The following NHSL2 variants were observed in gnomAD, a reference collection of about 807,000 sequenced individuals.
NHSL2 encodes the protein NHS like 2, also known as NHS-like protein 2.
Under a neutral mutation model 53.4 loss-of-function variants are expected in NHSL2, and 27 were observed. That is an observed-to-expected ratio of 0.51 (90% CI 0.37 to 0.70). The LOEUF is 0.70. Among genes scored for constraint, NHSL2 ranks in the 30% least tolerant of loss-of-function variants. The probability of loss-of-function intolerance (pLI) is 0.00; values close to 1 mark genes in which losing one functional copy is unlikely to be tolerated. For missense variants in NHSL2, 892 were observed against 980.1 expected (o/e 0.91, Z 1.20); for synonymous variants, 408 against 404.1 (o/e 1.01, Z -0.12).
At chrX:71,938,274 G>C (rs898451930) in intron 1 of NHSL2, among the ~76,000 whole-genome samples, 4 of 112,060 alleles carry the variant, frequency 3.6e-5, no homozygotes, top group African/African-American at 1.3e-4. Context: ...AGGTGATACC[G>C]TTAAGGCAGC....
rs182508055 is a variant in NHSL2 at position 72,048,114 on chromosome X, A to T, written c.281-83965A>T. ...ATAATAATAATAATAATAATAATAA[A>T]GCAACATTTTGAGTGCCTACTATAT... is the stretch of plus-strand genomic sequence containing the variant. On this transcript the variant is annotated intron_variant, in intron 1 of 7. Transcript: ENST00000633930. Among the ~76,000 whole-genome samples the T allele has an allele frequency of 2.3e-3, 251 of 108,341 alleles. 1 individual carries two copies. The highest frequency in any genetic ancestry group is 8.3e-3 in the African/African-American group (244 of 29,447). 94.1% of individuals were successfully genotyped at this position (108,341 alleles called of 115,157 possible). A position where few individuals can be genotyped will look rare whatever the true frequency, so the allele number is the denominator to read the frequency against.
chrX:71,981,692 A>G (rs752411313), intron 1 of NHSL2, among the ~76,000 whole-genome samples: 20 of 112,326 alleles, frequency 1.8e-4, no homozygotes, highest in African/African-American at 6.5e-4. Flanking sequence ...TCCAAAGAAG[A>G]TATACAAATG....
In NHSL2 at chrX:72,060,746, G is replaced by A. The variant is rs759104531; in HGVS notation, c.281-71333G>A. On this transcript the variant is annotated intron_variant, in intron 1 of 7. Coordinates refer to ENST00000633930, the MANE Select transcript of NHSL2 (RefSeq NM_001013627.3). ...CCCCCACAGGCTTGTGTGAGCCCAAGGCAGGCCTCAAGCTGATTCAAGGGC... is the reference window on the plus strand; with the variant it reads ...CCCCCACAGGCTTGTGTGAGCCCAAAGCAGGCCTCAAGCTGATTCAAGGGC... 4.4e-5 allele frequency among the ~76,000 whole-genome samples: 5 copies of A among 112,750 alleles called. No homozygotes were observed. The South Asian group carries it at 1.8e-3, about 41-fold the overall frequency.
chrX:72,117,730 T>G lies in NHSL2; in HGVS notation c.281-14349T>G, dbSNP rs1444554667. Among the ~76,000 whole-genome samples the G allele has an allele frequency of 2.7e-5, 3 of 111,857 alleles. No individual in the cohort carries two copies. In the East Asian group the frequency reaches 8.3e-4, roughly 31 times the overall value. ...GACTGGCTTCTTTCACATAACATGA[T>G]GTTTCAAGGTCCATCCATGTTATAG... On this transcript the variant is annotated intron_variant, in intron 1 of 7. Coordinates refer to ENST00000633930, the MANE Select transcript of NHSL2 (RefSeq NM_001013627.3).
At chrX:71,968,173 T>A (rs1350525172) in intron 1 of NHSL2, among the ~76,000 whole-genome samples, 1 of 109,107 alleles carries the variant, frequency 9.2e-6, no homozygotes, top group Non-Finnish European at 1.9e-5. Context: ...ATTTATTTAA[T>A]TTTTTGTAGA....
intron 1 of NHSL2, among the ~76,000 whole-genome samples, chrX:72,022,732 G>C (rs897218107): frequency 3.6e-5 from 4 of 111,747 alleles, no homozygotes; most frequent in Non-Finnish European, 7.5e-5. Flanking sequence ...AGTGTGTCTA[G>C]GTCCTAGAGA....
In NHSL2 at chrX:72,150,821, T is replaced by C. The variant is rs1274485924; in HGVS notation, c.*7247T>C. On this transcript the variant is annotated 3_prime_UTR_variant, in exon 8 of 8. Coordinates refer to ENST00000633930, the MANE Select transcript of NHSL2 (RefSeq NM_001013627.3). ...CCTGGACTTCCTCTCGTTTCTCTTT[T>C]CGAGGATGCTTAGAGGCTTCTCACC... is the stretch of plus-strand genomic sequence containing the variant. The C allele has an allele frequency of 1.8e-5, 2 of 112,151 alleles. No individual in the cohort carries two copies. The highest frequency in any genetic ancestry group is 6.5e-5 in the African/African-American group (2 of 30,835). The allele number at this position is 112,151 out of a possible 1,213,427, so 9.2% of individuals were successfully genotyped here.
intron 1 of NHSL2, among the ~76,000 whole-genome samples, chrX:72,030,864 T>A (rs2042211258): frequency 8.9e-6 from 1 of 111,986 alleles, no homozygotes; most frequent in African/African-American, 3.2e-5. Context: ...AACAAAGGAT[T>A]AAAGAGAGCC....
intron 1 of NHSL2, among the ~76,000 whole-genome samples, chrX:72,043,695 T>C (rs2042288917): frequency 8.9e-6 from 1 of 111,984 alleles, no homozygotes. Flanking sequence ...ATGTGGTCCC[T>C]GTCCCTCTTG....
In NHSL2 at chrX:72,147,718, A is replaced by C. The variant is rs948398209; in HGVS notation, c.*4144A>C. 3 of 111,283 alleles carry C rather than the reference A, an allele frequency of 2.7e-5. No individual in the cohort carries two copies. The highest frequency in any genetic ancestry group is 5.7e-5 in the Non-Finnish European group (3 of 53,020). 9.2% of individuals were successfully genotyped at this position (111,283 alleles called of 1,213,427 possible). A position where few individuals can be genotyped will look rare whatever the true frequency, so the allele number is the denominator to read the frequency against. On this transcript the variant is annotated 3_prime_UTR_variant, in exon 8 of 8. Transcript: ENST00000633930. The stretch of plus-strand genomic sequence containing the variant: ...TCTCCTCTTTCTGCTCCATTCTCCT[A>C]AACCTTGCTTCCCAGCACCAACTCT...
In NHSL2 at chrX:72,140,757, A is replaced by G. The variant is rs777059211; in HGVS notation, c.3209A>G (p.Glu1070Gly). 3 of 1,178,590 alleles carry G rather than the reference A, an allele frequency of 2.5e-6. No homozygotes were observed. Among genetic ancestry groups the G allele is most frequent in the African/African-American group, 3.5e-5 (2 of 56,868 alleles). The change falls in exon 6 of 8, where the codon GAG (glutamate) becomes GGG (glycine). Residue 1070 changes from glutamate to glycine, a missense_variant. Coordinates refer to ENST00000633930, the MANE Select transcript of NHSL2 (RefSeq NM_001013627.3). ...ACTCCTCAGGCTGACAGTGAAAGGG[A>G]GGCAAGCCCTCTGGGTTAGTAAACT... is the stretch of plus-strand genomic sequence containing the variant. The part of the protein sequence containing the change: ...TSTPQADSER[E>G]ASPLGSSVEP...
chrX:71,964,961 C>T (rs2041894811), intron 1 of NHSL2, among the ~76,000 whole-genome samples: 2 of 111,595 alleles, frequency 1.8e-5, no homozygotes, highest in Non-Finnish European at 3.8e-5. Context: ...ATGTACCACT[C>T]TGGTGCAGGA....
intron 1 of NHSL2, among the ~76,000 whole-genome samples, chrX:71,918,968 A>G (rs1345279553): frequency 1.8e-5 from 2 of 111,879 alleles, no homozygotes; most frequent in Non-Finnish European, 3.8e-5. Flanking sequence ...ACCAAAGATA[A>G]AATTTACTAC....
intron 5 of NHSL2, among the ~76,000 whole-genome samples, chrX:72,137,869 ATTGT>A (rs1250737964): frequency 8.9e-6 from 1 of 111,885 alleles, no homozygotes; most frequent in African/African-American, 3.2e-5. Flanking sequence ...GACAGTATTA[ATTGT>A]TTGTGTGTAT....
rs185330466 is a variant in NHSL2 at position 72,053,547 on chromosome X, A to G, written c.281-78532A>G. Among the ~76,000 whole-genome samples the G allele has an allele frequency of 7.1e-5, 8 of 111,945 alleles. No individual in the cohort carries two copies. In the East Asian group the frequency reaches 2.2e-3, roughly 31 times the overall value. ...GTGAAATCCATGATTTCACAGAGAT[A>G]TTATTGCTGAGAATGAGGCTGAAGT... On this transcript the variant is annotated intron_variant, in intron 1 of 7. Coordinates refer to ENST00000633930, the MANE Select transcript of NHSL2 (RefSeq NM_001013627.3).
At chrX:72,073,998 C>G (rs2041721055) in intron 1 of NHSL2, among the ~76,000 whole-genome samples, 1 of 112,229 alleles carries the variant, frequency 8.9e-6, no homozygotes, top group Admixed American at 9.4e-5. Flanking sequence ...CATGCTGGGT[C>G]CAGAAGCTAG....
intron 1 of NHSL2, among the ~76,000 whole-genome samples, chrX:71,987,821 A>C (rs1257178711): frequency 8.9e-6 from 1 of 112,651 alleles, no homozygotes; most frequent in African/African-American, 3.2e-5. Context: ...CGGTGAAGAC[A>C]CAAAGCCTTA....
At chrX:72,008,340 A>G (rs185829744) in intron 1 of NHSL2, among the ~76,000 whole-genome samples, 89 of 112,208 alleles carry the variant, frequency 7.9e-4, no homozygotes, top group African/African-American at 2.6e-3. Context: ...GGCTGCGGAC[A>G]GTGTTTTCCA....
At chrX:71,957,422 G>A (rs2041847594) in intron 1 of NHSL2, among the ~76,000 whole-genome samples, 4 of 112,106 alleles carry the variant, frequency 3.6e-5, no homozygotes, top group Middle Eastern at 4.6e-3. Flanking sequence ...GCCCACCACC[G>A]TGCTCAGCTA....
Sources: allele counts gnomAD v4.1 joint callset (sites outside exome capture counted in the v4.1 genomes callset), GRCh38; gene constraint gnomAD v4.1.1; transcripts MANE v1.5; gene names NCBI Gene and HGNC (gene_info 2026-07-23, HGNC 2026-07-21).